Variants in CLXN observed in about 807,000 individuals in gnomAD.
CLXN encodes the protein calaxin.
At chr8:48,729,219 G>T in the CLXN span, 2 of 1,326,606 alleles carry the variant, frequency 1.5e-6, no homozygotes, top group Non-Finnish European at 1.1e-6. Context: ...TCATAGTCAA[G>T]TGTTAATTTA....
the CLXN span, chr8:48,731,543 A>T: frequency 6.6e-7 from 1 of 1,521,378 alleles, no homozygotes; most frequent in Non-Finnish European, 8.8e-7. Flanking sequence ...TGAACCCTTA[A>T]TCTTTAAGTT....
chr8:48,733,298 C>A, the CLXN span, among the ~76,000 whole-genome samples: 2 of 152,064 alleles, frequency 1.3e-5, no homozygotes, highest in Non-Finnish European at 2.9e-5. Context: ...TAATTTATTA[C>A]CCAAAGGATC....
chr8:48,728,977 T>G, the CLXN span: 5 of 1,203,222 alleles, frequency 4.2e-6, no homozygotes, highest in Admixed American at 1.2e-4. Flanking sequence ...ACCCATTAAA[T>G]CAAGAAGTCC....
the CLXN span, chr8:48,735,230 G>GC: frequency 3.9e-6 from 6 of 1,541,200 alleles, no homozygotes; most frequent in Non-Finnish European, 5.4e-6. Flanking sequence ...ACCCCCGCGA[G>GC]CCCTGGTGCT....
chr8:48,729,017 C>A, the CLXN span: 1 of 1,551,460 alleles, frequency 6.4e-7, no homozygotes. Context: ...CTTTGATTAC[C>A]GTTCAGGGAA....
At chr8:48,732,716 C>A in the CLXN span, among the ~76,000 whole-genome samples, 4 of 152,010 alleles carry the variant, frequency 2.6e-5, no homozygotes, top group African/African-American at 9.7e-5. Flanking sequence ...ATGCAAGAGT[C>A]CATCAATGGA....
At chr8:48,716,422 G>T in the CLXN span, 1 of 152,462 alleles carries the variant, frequency 6.6e-6, no homozygotes. Flanking sequence ...CCTGCCCAGA[G>T]AGGGGATCCC....
At chr8:48,724,560 T>A in the CLXN span, 2 of 462,196 alleles carry the variant, frequency 4.3e-6, no homozygotes, top group Non-Finnish European at 7.6e-6. Context: ...ATAAGGGACT[T>A]CTTGTCTTCC....
At chr8:48,723,132 G>C in the CLXN span, among the ~76,000 whole-genome samples, 2 of 152,130 alleles carry the variant, frequency 1.3e-5, no homozygotes. Context: ...TTGCTCTAAA[G>C]GTGGCTAACA....
the CLXN span, chr8:48,734,756 G>A: frequency 4.0e-6 from 1 of 249,272 alleles, no homozygotes; most frequent in African/African-American, 2.2e-5. Flanking sequence ...CTTTTCTTGA[G>A]ACCAGTTGGT....
At chr8:48,732,578 A>G in the CLXN span, among the ~76,000 whole-genome samples, 2 of 152,204 alleles carry the variant, frequency 1.3e-5, no homozygotes, top group Non-Finnish European at 2.9e-5. Flanking sequence ...ATAGCTCCTC[A>G]TAAAAATTAA....
At chr8:48,711,224 T>C in the CLXN span, 1 of 152,212 alleles carries the variant, frequency 6.6e-6, no homozygotes, top group Admixed American at 6.5e-5. Context: ...ATCATTGGCA[T>C]CTTCTTCTTC....
At chr8:48,717,699 T>G in the CLXN span, among the ~76,000 whole-genome samples, 1 of 152,112 alleles carries the variant, frequency 6.6e-6, no homozygotes, top group Non-Finnish European at 1.5e-5. Flanking sequence ...AGATAAACAT[T>G]TAGTAAGAGA....
chr8:48,715,931 G>T, the CLXN span: 4 of 152,280 alleles, frequency 2.6e-5, no homozygotes, highest in African/African-American at 4.8e-5. Context: ...AATTCAAAAT[G>T]ATTGGTTTAG....
At chr8:48,719,438 A>G in the CLXN span, among the ~76,000 whole-genome samples, 3 of 152,200 alleles carry the variant, frequency 2.0e-5, no homozygotes, top group African/African-American at 7.2e-5. Flanking sequence ...TGAGGCCAGT[A>G]TCAACTTGAT....
chr8:48,717,402 A>C, the CLXN span, among the ~76,000 whole-genome samples: 2 of 152,280 alleles, frequency 1.3e-5, no homozygotes, highest in East Asian at 3.9e-4. Flanking sequence ...AAAGAAAATA[A>C]AAAAAACCCT....
the CLXN span, chr8:48,724,814 G>A: frequency 3.1e-6 from 5 of 1,608,634 alleles, no homozygotes; most frequent in East Asian, 8.9e-5. Context: ...GTAAAAAAAG[G>A]TACTCAATTT....
At chr8:48,719,135 A>C in the CLXN span, among the ~76,000 whole-genome samples, 145 of 152,244 alleles carry the variant, frequency 9.5e-4, no homozygotes, top group Non-Finnish European at 1.5e-3. Context: ...ATCATAAAAG[A>C]CAATGAAAAA....
At chr8:48,724,681 A>G in the CLXN span, 26 of 1,370,910 alleles carry the variant, frequency 1.9e-5, no homozygotes, top group South Asian at 4.1e-5. Flanking sequence ...AGTAGAAAAA[A>G]TAAGCAATAT....
Sources: allele counts gnomAD v4.1 joint callset (sites outside exome capture counted in the v4.1 genomes callset), GRCh38; gene constraint gnomAD v4.1.1; transcripts MANE v1.5; gene names NCBI Gene and HGNC (gene_info 2026-07-23, HGNC 2026-07-21).